DLGAP2: variants seen among roughly 807,000 people sequenced by gnomAD.
DLGAP2 encodes the protein disks large-associated protein 2.
A neutral mutation model predicts 100.3 loss-of-function variants in DLGAP2; 26 were observed. That is an observed-to-expected ratio of 0.26 (90% CI 0.19 to 0.36). The LOEUF (loss-of-function observed/expected upper bound fraction) is 0.36. Ranked by LOEUF, DLGAP2 falls within the 10% of genes least tolerant of loss-of-function variation. The pLI is 1.00. For synonymous variants in DLGAP2, 886 were observed against 630.1 expected (o/e 1.41, Z -6.08); for missense variants, 1,858 against 1,453.2 (o/e 1.28, Z -4.53).
intron 4 of DLGAP2, among the ~76,000 whole-genome samples, chr8:1,516,249 G>A (rs922485258): frequency 1.3e-5 from 2 of 152,134 alleles, no homozygotes; most frequent in Non-Finnish European, 2.9e-5. Context: ...CTGAGTAAAT[G>A]AGTGAGTGAA....
In DLGAP2 at chr8:1,430,003, T is replaced by TAC. The variant is rs1563141978; in HGVS notation, c.107-71362_107-71361insCA. Among the ~76,000 whole-genome samples the TAC allele has an allele frequency of 2.8e-5, 2 of 70,306 alleles. 1 individual carries two copies. Among genetic ancestry groups the TAC allele is most frequent in the Non-Finnish European group, 5.4e-5 (2 of 37,328 alleles). The allele number at this position is 70,306 out of a possible 152,430, so 46.1% of individuals were successfully genotyped here. A position where few individuals can be genotyped will look rare whatever the true frequency, so the allele number is the denominator to read the frequency against. On this transcript the variant is annotated intron_variant, in intron 3 of 14. Coordinates refer to ENST00000637795, the MANE Select transcript of DLGAP2 (RefSeq NM_001346810.2). ...AAGCAGAAGGGGAGAGATGCATATA[T>TAC]ATACATATATATATATATATATATA...
intron 2 of DLGAP2, among the ~76,000 whole-genome samples, chr8:1,048,719 C>G (rs1167509636): frequency 6.6e-6 from 1 of 151,964 alleles, no homozygotes; most frequent in Non-Finnish European, 1.5e-5. Context: ...AGACCTGGAA[C>G]TGGGGCTGCG....
chr8:1,046,878 C>T (rs1406446421), intron 2 of DLGAP2, among the ~76,000 whole-genome samples: 1 of 152,032 alleles, frequency 6.6e-6, no homozygotes, highest in African/African-American at 2.4e-5. Flanking sequence ...CAAGGCCTCA[C>T]CCATTGTCAG....
chr8:1,440,196 A>G (rs531720895), intron 3 of DLGAP2, among the ~76,000 whole-genome samples: 11 of 152,226 alleles, frequency 7.2e-5, no homozygotes, highest in Non-Finnish European at 4.4e-5. Flanking sequence ...AACTTCCACC[A>G]AATATAAAAC....
rs181459591 is a variant in DLGAP2, at chr8:1,575,933, T to C, written c.1442+10039T>C. Among the ~76,000 whole-genome samples the C allele has an allele frequency of 6.6e-5, 10 of 152,246 alleles. No homozygotes were observed. The East Asian group carries it at 1.2e-3, about 18-fold the overall frequency. On this transcript the variant is annotated intron_variant, in intron 6 of 14. Transcript: ENST00000637795. Reference sequence around the variant, plus strand: ...AATAGTGCTGTAATAAACATACATGTGCATGTGCCTTTATAGCAGCATGAT... The same window carrying C: ...AATAGTGCTGTAATAAACATACATGCGCATGTGCCTTTATAGCAGCATGAT...
chr8:1,033,123 C>A (rs888172677), intron 2 of DLGAP2, among the ~76,000 whole-genome samples: 5 of 152,116 alleles, frequency 3.3e-5, no homozygotes, highest in Non-Finnish European at 7.4e-5. Flanking sequence ...CTCCCTCCCC[C>A]CATCCCTCTC....
chr8:1,515,644 A>C (rs146186170), intron 4 of DLGAP2, among the ~76,000 whole-genome samples: 1 of 152,116 alleles, frequency 6.6e-6, no homozygotes, highest in Admixed American at 6.5e-5. Context: ...GCACACACAC[A>C]TGCAGACATG....
chr8:1,260,918 C>T (rs903055814), intron 3 of DLGAP2, among the ~76,000 whole-genome samples: 4 of 152,180 alleles, frequency 2.6e-5, no homozygotes, highest in East Asian at 1.9e-4. Context: ...GGCCAGAGTG[C>T]GTGGTCCTGG....
At chr8:899,147 C>T (rs1164942348) in intron 1 of DLGAP2, among the ~76,000 whole-genome samples, 1 of 152,196 alleles carries the variant, frequency 6.6e-6, no homozygotes, top group Non-Finnish European at 1.5e-5. Flanking sequence ...CCACTGACGC[C>T]GCATCTCCAG....
rs151195409 is a variant in DLGAP2, at chr8:1,347,691, A to G, written c.106+88808A>G. 1.2e-3 allele frequency among the ~76,000 whole-genome samples: 180 copies of G among 149,880 alleles called. 2 individuals are homozygous for G. Among genetic ancestry groups the G allele is most frequent in the African/African-American group, 4.0e-3 (161 of 40,446 alleles). ...CGCTGCTCTCATGGTAACTGTCTGGAGGCTGAGTTCCTATACAGAGCTGCG... is the reference window on the plus strand; with the variant it reads ...CGCTGCTCTCATGGTAACTGTCTGGGGGCTGAGTTCCTATACAGAGCTGCG... On this transcript the variant is annotated intron_variant, in intron 3 of 14. Transcript: ENST00000637795.
intron 2 of DLGAP2, among the ~76,000 whole-genome samples, chr8:985,962 G>C (rs945191914): frequency 2.6e-5 from 4 of 152,184 alleles, no homozygotes; most frequent in Admixed American, 1.3e-4. Flanking sequence ...ACTTCCTGAA[G>C]AAGATGCTCA....
In DLGAP2 at chr8:971,671, C is replaced by G. The variant is rs1800018466; in HGVS notation, c.73+63705C>G. On this transcript the variant is annotated intron_variant, in intron 2 of 14. Transcript: ENST00000637795. The stretch of plus-strand genomic sequence containing the variant: ...AAGATCATAGAAAAATACCCGCATA[C>G]TTCTGCCAGGAATAGGGAAAAGTCA... Among the ~76,000 whole-genome samples, 3 of 152,228 alleles carry G rather than the reference C, an allele frequency of 2.0e-5. No homozygotes were observed. In the South Asian group the frequency reaches 6.2e-4, roughly 31 times the overall value.
intron 6 of DLGAP2, among the ~76,000 whole-genome samples, chr8:1,616,632 C>T (rs185940968): frequency 1.3e-5 from 2 of 152,164 alleles, no homozygotes; most frequent in Admixed American, 1.3e-4. Context: ...GAATACTATA[C>T]CCAGCAAAAA....
intron 4 of DLGAP2, among the ~76,000 whole-genome samples, chr8:1,530,794 A>G (rs1800964443): frequency 6.6e-6 from 1 of 152,154 alleles, no homozygotes; most frequent in Non-Finnish European, 1.5e-5. Flanking sequence ...CAGACACTCA[A>G]ATTGTTGTGG....
chr8:794,174 G>T (rs558368024), intron 1 of DLGAP2, among the ~76,000 whole-genome samples: 1 of 146,388 alleles, frequency 6.8e-6, no homozygotes, highest in Non-Finnish European at 1.5e-5. Context: ...AGGTTGGGAT[G>T]AGCTGTTTGC....
chr8:1,133,744 A>C (rs1208120236), intron 2 of DLGAP2, among the ~76,000 whole-genome samples: 1 of 152,244 alleles, frequency 6.6e-6, no homozygotes, highest in Non-Finnish European at 1.5e-5. Flanking sequence ...ATCTAAAACC[A>C]GACTTTGATT....
chr8:1,647,409 A>G (rs1798064632), intron 8 of DLGAP2, among the ~76,000 whole-genome samples: 1 of 145,398 alleles, frequency 6.9e-6, no homozygotes, highest in Non-Finnish European at 1.5e-5. Flanking sequence ...GAATGGAGTG[A>G]ACCCGGGAGG....
At chr8:1,297,198 G>T (rs1463311770) in intron 3 of DLGAP2, 2 of 152,222 alleles carry the variant, frequency 1.3e-5, no homozygotes, top group African/African-American at 4.8e-5. Context: ...GAATGACATG[G>T]ACCTCCAGGT....
At chr8:773,002 G>C (rs1821406179) in intron 1 of DLGAP2, among the ~76,000 whole-genome samples, 1 of 152,182 alleles carries the variant, frequency 6.6e-6, no homozygotes, top group African/African-American at 2.4e-5. Flanking sequence ...GTAACAGTAG[G>C]ATGGCATGGA....
Sources: allele counts gnomAD v4.1 joint callset (sites outside exome capture counted in the v4.1 genomes callset), GRCh38; gene constraint gnomAD v4.1.1; transcripts MANE v1.5; gene names NCBI Gene and HGNC (gene_info 2026-07-23, HGNC 2026-07-21).